The following PRKN variants were observed in gnomAD, a reference collection of about 807,000 sequenced individuals.
PRKN encodes the protein parkin RBR E3 ubiquitin protein ligase.
A neutral mutation model predicts 59.5 loss-of-function variants in PRKN; 56 were observed. The observed-to-expected ratio is 0.94, with a 90% confidence interval of 0.76 to 1.18. The LOEUF is 1.18. Among genes scored for constraint, PRKN ranks in the 50% most tolerant of loss-of-function variants. The pLI, the probability that PRKN is intolerant of heterozygous loss-of-function variation, is 0.00. For synonymous variants in PRKN, 250 were observed against 222.1 expected, an observed-to-expected ratio of 1.13 and a Z score of -1.12; for missense variants, 657 against 596.4, an observed-to-expected ratio of 1.10 and a Z score of -1.06.
intron 6 of PRKN, among the ~76,000 whole-genome samples, chr6:161,908,810 TTTAA>T (rs1778247449): frequency 6.6e-6 from 1 of 152,228 alleles, no homozygotes; most frequent in Admixed American, 6.5e-5. Context: ...TCAATAGACA[TTTAA>T]TTGGCAAACA....
rs1209921320 is a variant in PRKN, at chr6:161,349,850, T to G, written c.*249A>C. ...TGTCGCAGATGGCTCTGCTGTCTTG[T>G]GTGGACAAACTGAAAGGGATTCAGG... On this transcript the variant is annotated 3_prime_UTR_variant, in exon 12 of 12. Coordinates refer to ENST00000366898, the MANE Select transcript of PRKN (RefSeq NM_004562.3). The surrounding 1 kb of genome is among the most constrained non-coding windows in gnomAD (Gnocchi z 5.5). 1 of 570,874 alleles carries G rather than the reference T, an allele frequency of 1.8e-6. No individual in the cohort carries two copies. Among genetic ancestry groups the G allele is most frequent in the Non-Finnish European group, 3.2e-6 (1 of 313,434 alleles). The allele number at this position is 570,874 out of a possible 1,614,324, so 35.4% of individuals were successfully genotyped here.
chr6:161,773,144 G>A (rs1028864656), intron 7 of PRKN, among the ~76,000 whole-genome samples: 6 of 152,194 alleles, frequency 3.9e-5, no homozygotes, highest in African/African-American at 7.2e-5. Flanking sequence ...CTCACATTGT[G>A]TGATCCAGGT....
intron 4 of PRKN, among the ~76,000 whole-genome samples, chr6:162,065,718 C>A (rs1472449849): frequency 3.9e-5 from 6 of 152,264 alleles, no homozygotes; most frequent in African/African-American, 1.2e-4. Context: ...CATCCCTCCC[C>A]CAGCCCTCCA....
chr6:162,519,456 C>T (rs1778001456), intron 1 of PRKN, among the ~76,000 whole-genome samples: 1 of 152,044 alleles, frequency 6.6e-6, no homozygotes, highest in South Asian at 2.1e-4. Flanking sequence ...CAGGAGGTGC[C>T]CCAGCCACAA....
At chr6:162,657,052 G>A (rs1439077731) in intron 1 of PRKN, among the ~76,000 whole-genome samples, 1 of 152,186 alleles carries the variant, frequency 6.6e-6, no homozygotes, top group Non-Finnish European at 1.5e-5. Context: ...GACCCTTGAG[G>A]ACAGGGGCTA....
chr6:162,465,922 G>A lies in PRKN; in HGVS notation c.8-22449C>T, dbSNP rs572057713. The stretch of plus-strand genomic sequence containing the variant: ...TGCTATCTGCAATCCTTGAATATAT[G>A]GTGACTAATATATCTTAATGTATTT... On this transcript the variant is annotated intron_variant, in intron 1 of 11. Coordinates refer to ENST00000366898, the MANE Select transcript of PRKN (RefSeq NM_004562.3). Among the ~76,000 whole-genome samples the A allele has an allele frequency of 8.5e-5, 13 of 152,146 alleles. No homozygotes were observed. In the South Asian group the frequency reaches 2.5e-3, roughly 29 times the overall value.
chr6:161,574,196 A>G (rs1781042410), intron 7 of PRKN, among the ~76,000 whole-genome samples: 1 of 152,152 alleles, frequency 6.6e-6, no homozygotes, highest in African/African-American at 2.4e-5. Context: ...AAATGGCCAG[A>G]TATAAACTCA....
rs576963569 is a variant in PRKN, at chr6:161,352,001, C to T, written c.1286-1790G>A. On this transcript the variant is annotated intron_variant, in intron 11 of 11. Coordinates refer to ENST00000366898, the MANE Select transcript of PRKN (RefSeq NM_004562.3). The surrounding 1 kb of genome is among the most constrained non-coding windows in gnomAD (Gnocchi z 5.8). ...GGAGTGCACACAGCCCTGCTTCAGT[C>T]GCTGTGGGGGAACTGAAGGGAGGAG... Among the ~76,000 whole-genome samples the T allele has an allele frequency of 7.9e-5, 12 of 152,164 alleles. No homozygotes were observed. The highest frequency in any genetic ancestry group is 1.4e-4 in the African/African-American group (6 of 41,422).
intron 1 of PRKN, among the ~76,000 whole-genome samples, chr6:162,664,485 G>A (rs1779019690): frequency 6.6e-6 from 1 of 152,134 alleles, no homozygotes; most frequent in African/African-American, 2.4e-5. Flanking sequence ...TTCCACAACG[G>A]TCGAACTAAT....
chr6:162,206,108 C>A (rs1784926780), intron 3 of PRKN, among the ~76,000 whole-genome samples: 1 of 152,106 alleles, frequency 6.6e-6, no homozygotes, highest in Non-Finnish European at 1.5e-5. Context: ...GTGCTAGAAG[C>A]AGAGAAAAGG....
intron 1 of PRKN, among the ~76,000 whole-genome samples, chr6:162,535,783 C>T (rs1340494772): frequency 1.3e-5 from 2 of 151,812 alleles, no homozygotes; most frequent in African/African-American, 4.8e-5. Flanking sequence ...GTGGTACATG[C>T]CTATAATCCC....
intron 6 of PRKN, among the ~76,000 whole-genome samples, chr6:161,890,842 T>C (rs1795315732): frequency 6.6e-6 from 1 of 152,210 alleles, no homozygotes; most frequent in Non-Finnish European, 1.5e-5. Flanking sequence ...CTCTGTTCCA[T>C]TTCCCGCGCT....
chr6:162,379,018 CA>C (rs1325793088), intron 2 of PRKN, among the ~76,000 whole-genome samples: 3 of 152,170 alleles, frequency 2.0e-5, no homozygotes, highest in Non-Finnish European at 4.4e-5. Flanking sequence ...AAACAACTGG[CA>C]GGCCTTTATT....
At chr6:161,521,356 G>T (rs1427304253) in intron 9 of PRKN, among the ~76,000 whole-genome samples, 3 of 152,104 alleles carry the variant, frequency 2.0e-5, no homozygotes, top group Non-Finnish European at 4.4e-5. Context: ...ACAAATTACC[G>T]AAAGCAAAGC....
intron 6 of PRKN, among the ~76,000 whole-genome samples, chr6:161,818,437 T>C (rs1791882060): frequency 6.6e-6 from 1 of 152,130 alleles, no homozygotes; most frequent in Non-Finnish European, 1.5e-5. Context: ...CATGCCCAAG[T>C]ATCTCCTGCC....
intron 1 of PRKN, among the ~76,000 whole-genome samples, chr6:162,450,180 T>C (rs1356871086): frequency 6.6e-6 from 1 of 151,988 alleles, no homozygotes; most frequent in African/African-American, 2.4e-5. Flanking sequence ...AGACTCAAAG[T>C]TGCTCAGCTA....
At chr6:161,516,944 C>T (rs1778632942) in intron 9 of PRKN, among the ~76,000 whole-genome samples, 1 of 151,400 alleles carries the variant, frequency 6.6e-6, no homozygotes, top group Non-Finnish European at 1.5e-5. Flanking sequence ...AGTTGTTTCT[C>T]ATTGTATGCA....
chr6:162,469,374 G>T (rs1791605852), intron 1 of PRKN, among the ~76,000 whole-genome samples: 1 of 149,476 alleles, frequency 6.7e-6, no homozygotes, highest in Non-Finnish European at 1.5e-5. Context: ...GACAGAGGAA[G>T]TCATTCTACA....
chr6:161,813,457 C>A (rs907042484), intron 6 of PRKN, among the ~76,000 whole-genome samples: 1 of 152,210 alleles, frequency 6.6e-6, no homozygotes, highest in African/African-American at 2.4e-5. Flanking sequence ...TCTCTTCTAA[C>A]TTCTTATCCA....
Sources: gnomAD v4.1 joint callset for allele counts (sites outside exome capture counted in the v4.1 genomes callset) on GRCh38, gnomAD v4.1.1 for gene constraint, Gnocchi (gnomAD v3.1) non-coding constraint, MANE v1.5 for transcripts, NCBI Gene and HGNC (gene_info 2026-07-23, HGNC 2026-07-21) for gene names.